IFNAR2: variants seen among roughly 807,000 people sequenced by gnomAD.
The protein encoded by IFNAR2 is interferon alpha and beta receptor subunit 2.
In IFNAR2, 30 loss-of-function variants were observed where a neutral mutation model predicts 49.4. That is an observed-to-expected ratio of 0.61 (90% CI 0.45 to 0.82). IFNAR2 has a LOEUF of 0.82. Among genes scored for constraint, IFNAR2 ranks in the 40% least tolerant of loss-of-function variants. The probability of loss-of-function intolerance (pLI) is 0.00; values close to 1 mark genes in which losing one functional copy is unlikely to be tolerated. For missense variants in IFNAR2, 600 were observed against 622.7 expected (o/e 0.96, Z 0.39); for synonymous variants, 224 against 234.5 (o/e 0.96, Z 0.41).
chr21:33,252,921 C>A, intron 7 of IFNAR2, 91 bp downstream of exon 7: 3 of 1,046,022 alleles, frequency 2.9e-6, no homozygotes, highest in Non-Finnish European at 3.0e-6. Flanking sequence ...GAAAAGAATT[C>A]ATGGAGCACT....
chr21:33,230,347 C>T lies in IFNAR2; in HGVS notation c.-84+131C>T. 1 of 741,482 alleles carries T rather than the reference C, an allele frequency of 1.3e-6. No individual in the cohort carries two copies. Among genetic ancestry groups the T allele is most frequent in the Non-Finnish European group, 1.8e-6 (1 of 542,246 alleles). The allele number at this position is 741,482 out of a possible 1,614,324, so 45.9% of individuals were successfully genotyped here. On this transcript the variant is annotated intron_variant, in intron 1 of 8. Transcript: ENST00000342136. The surrounding 1 kb of genome is among the most constrained non-coding windows in gnomAD (Gnocchi z 5.5). The stretch of plus-strand genomic sequence containing the variant: ...TCGCTCTCCCCGACTCCTCCTCCTC[C>T]TCCTGCCCTCCCTCTGCGTCTTGAG...
chr21:33,245,796 G>A (rs1308380994), intron 4 of IFNAR2, among the ~76,000 whole-genome samples: 1 of 152,202 alleles, frequency 6.6e-6, no homozygotes, highest in East Asian at 1.9e-4. Flanking sequence ...GAGCCAGTGG[G>A]AGACCTCTTG....
rs988557549 is a variant in IFNAR2 at position 33,256,344 on chromosome 21, T to C, written c.709+3514T>C. On this transcript the variant is annotated intron_variant, in intron 7 of 8. Transcript: ENST00000342136. ...GGTCAAGTACCGCTCTCTTTAATTA[T>C]CCAAATACTGTACCTGATGTCAAAT... Among the ~76,000 whole-genome samples, 2 of 152,220 alleles carry C rather than the reference T, an allele frequency of 1.3e-5. 1 individual carries two copies.
rs57276350 is a variant in IFNAR2 at position 33,237,078 on chromosome 21, G to GGTGGGTGTGTGTGTGTGTGTGTGT, written c.-83-4759_-83-4758insGGTGTGTGTGTGTGTGTGTGTGTG. ...CCCCTGGCCCAGAGGGGGAGAATGG[G>GGTGGGTGTGTGTGTGTGTGTGTGT]GTGTGTGTGTGTGTGTGTGTGTGTG... On this transcript the variant is annotated intron_variant, in intron 1 of 8. Coordinates refer to ENST00000342136, the MANE Select transcript of IFNAR2 (RefSeq NM_001289125.3). Among the ~76,000 whole-genome samples, 279 of 147,678 alleles carry GGTGGGTGTGTGTGTGTGTGTGTGT rather than the reference G, an allele frequency of 1.9e-3. 2 individuals carry two copies. The highest frequency in any genetic ancestry group is 6.1e-3 in the African/African-American group (243 of 39,986).
intron 1 of IFNAR2, among the ~76,000 whole-genome samples, chr21:33,235,701 T>C (rs1986399467): frequency 6.6e-6 from 1 of 152,078 alleles, no homozygotes; most frequent in Non-Finnish European, 1.5e-5. Context: ...CCAAGTCAGG[T>C]GGATCATGAG....
rs1568898260 is a variant in IFNAR2, at chr21:33,263,489, A to G, written c.1537A>G (p.Ile513Val). The change falls in exon 9 of 9, where the codon ATA becomes GTA. Residue 513 changes from isoleucine to valine, a missense_variant. Transcript: ENST00000342136. ...AGATGTTGACCTTGGGGATGGTTATATAATGAGATGACTCCAAAACTATTG... is the reference window on the plus strand; with the variant it reads ...AGATGTTGACCTTGGGGATGGTTATGTAATGAGATGACTCCAAAACTATTG... ...ESDVDLGDGY[I>V]MR 1.2e-6 allele frequency: 2 copies of G among 1,608,290 alleles called. No homozygotes were observed. Among genetic ancestry groups the G allele is most frequent in the East Asian group, 2.2e-5 (1 of 44,792 alleles).
chr21:33,255,694 G>A (rs1988163426), intron 7 of IFNAR2, among the ~76,000 whole-genome samples: 1 of 152,156 alleles, frequency 6.6e-6, no homozygotes, highest in African/African-American at 2.4e-5. Context: ...TTATGTATGT[G>A]TGATTGATTA....
chr21:33,259,619 A>G (rs1467430681), intron 7 of IFNAR2, among the ~76,000 whole-genome samples: 1 of 152,198 alleles, frequency 6.6e-6, no homozygotes, highest in Non-Finnish European at 1.5e-5. Flanking sequence ...CAGTGAAATC[A>G]CTTTGGTTTA....
intron 1 of IFNAR2, chr21:33,231,702 T>A: frequency 2.0e-6 from 2 of 984,334 alleles, no homozygotes; most frequent in Non-Finnish European, 2.4e-6. Context: ...ATGTATCATC[T>A]TCCGTTATCA....
In IFNAR2 at chr21:33,249,296, A is replaced by T. The variant is rs1403925275; in HGVS notation, c.540+442A>T. Among the ~76,000 whole-genome samples the T allele has an allele frequency of 2.0e-5, 3 of 149,912 alleles. No individual in the cohort carries two copies. The East Asian group carries it at 5.9e-4, about 29-fold the overall frequency. On this transcript the variant is annotated intron_variant, in intron 6 of 8. Coordinates refer to ENST00000342136, the MANE Select transcript of IFNAR2 (RefSeq NM_001289125.3). ...GAGGCAGAGGTTGCAGTGAGCCGAG[A>T]TCGCACCATTGTGTTCCAGCCTGGG... is the stretch of plus-strand genomic sequence containing the variant.
rs559691711 is a variant in IFNAR2 at position 33,263,824 on chromosome 21, A to G, written c.*324A>G. The G allele has an allele frequency of 1.2e-5, 3 of 253,320 alleles. No homozygotes were observed. The East Asian group carries it at 2.5e-4, about 21-fold the overall frequency. The allele number at this position is 253,320 out of a possible 1,614,324, so 15.7% of individuals were successfully genotyped here. A position where few individuals can be genotyped will look rare whatever the true frequency, so the allele number is the denominator to read the frequency against. ...TTCCCCACAGTTTCAGAGGTGGTCCAGGACCCTATGATATTTCTCTTCTTT... is the reference window on the plus strand; with the variant it reads ...TTCCCCACAGTTTCAGAGGTGGTCCGGGACCCTATGATATTTCTCTTCTTT... On this transcript the variant is annotated 3_prime_UTR_variant, in exon 9 of 9. Transcript: ENST00000342136.
intron 8 of IFNAR2, among the ~76,000 whole-genome samples, chr21:33,261,287 T>G (rs1184068350): frequency 1.3e-5 from 2 of 152,170 alleles, no homozygotes; most frequent in Admixed American, 1.3e-4. Flanking sequence ...TCCACCTGCC[T>G]TGGCCTCCCA....
intron 1 of IFNAR2, among the ~76,000 whole-genome samples, chr21:33,232,494 G>A (rs916351386): frequency 1.3e-5 from 2 of 152,098 alleles, no homozygotes; most frequent in African/African-American, 4.8e-5. Flanking sequence ...CATCTGGTAC[G>A]TGGAGATATC....
intron 7 of IFNAR2, among the ~76,000 whole-genome samples, chr21:33,257,551 T>G (rs1221985860): frequency 6.7e-6 from 1 of 148,254 alleles, no homozygotes. Context: ...TGGTGCATTT[T>G]ACAGAGCGCT....
intron 1 of IFNAR2, among the ~76,000 whole-genome samples, chr21:33,237,938 A>G (rs1464860368): frequency 6.6e-6 from 1 of 152,182 alleles, no homozygotes; most frequent in African/African-American, 2.4e-5. Flanking sequence ...TAAAGCAGAT[A>G]AGCCATAGGT....
chr21:33,252,949 T>A, intron 7 of IFNAR2, 119 bp downstream of exon 7: 1 of 826,168 alleles, frequency 1.2e-6, no homozygotes, highest in East Asian at 2.4e-5. Flanking sequence ...TTTCTTCCAG[T>A]AAACACCTCA....
At chr21:33,257,894 A>G (rs540397199) in intron 7 of IFNAR2, among the ~76,000 whole-genome samples, 2 of 152,326 alleles carry the variant, frequency 1.3e-5, no homozygotes, top group African/African-American at 4.8e-5. Flanking sequence ...GCATTTGAAT[A>G]AAGACCCAAG....
intron 1 of IFNAR2, among the ~76,000 whole-genome samples, chr21:33,240,470 C>T (rs1375470878): frequency 1.3e-5 from 2 of 152,150 alleles, no homozygotes; most frequent in African/African-American, 4.8e-5. Context: ...GAACACAGCA[C>T]TGTTCACAGT....
chr21:33,247,966 CAGAAA>C (rs1363776579), intron 5 of IFNAR2, among the ~76,000 whole-genome samples: 1 of 152,016 alleles, frequency 6.6e-6, no homozygotes, highest in Non-Finnish European at 1.5e-5. Context: ...TGTGTACACA[CAGAAA>C]AGAAAGAAAA....
Sources: allele counts gnomAD v4.1 joint callset (sites outside exome capture counted in the v4.1 genomes callset), GRCh38; gene constraint gnomAD v4.1.1; non-coding constraint Gnocchi (gnomAD v3.1); transcripts MANE v1.5; gene names NCBI Gene and HGNC (gene_info 2026-07-23, HGNC 2026-07-21).